The following GPT2 variants were observed in gnomAD, a reference collection of about 807,000 sequenced individuals.
The protein encoded by GPT2 is glutamic--pyruvic transaminase 2.
A neutral mutation model predicts 56.9 loss-of-function variants in GPT2; 30 were observed. That is an observed-to-expected ratio of 0.53 (90% CI 0.39 to 0.72). The LOEUF is 0.72. Ranked by LOEUF, GPT2 falls within the 30% of genes least tolerant of loss-of-function variation. The pLI, the probability that GPT2 is intolerant of heterozygous loss-of-function variation, is 0.00. For synonymous variants in GPT2, 271 were observed against 283.1 expected, an observed-to-expected ratio of 0.96 and a Z score of 0.43; for missense variants, 542 against 703.4, an observed-to-expected ratio of 0.77 and a Z score of 2.60.
intron 2 of GPT2, chr16:46,885,392 G>T (rs1214193175): frequency 1.3e-4 from 54 of 427,448 alleles, no homozygotes; most frequent in Non-Finnish European, 1.5e-4. Flanking sequence ...GGTAGGAGGG[G>T]AGACGGGGTG....
At chr16:46,914,869 G>C (rs1219113939) in intron 6 of GPT2, among the ~76,000 whole-genome samples, 4 of 152,098 alleles carry the variant, frequency 2.6e-5, no homozygotes, top group Admixed American at 6.5e-5. Flanking sequence ...GCAGTAATGG[G>C]GGGGAGGGCA....
intron 5 of GPT2, among the ~76,000 whole-genome samples, chr16:46,907,302 T>A (rs547513815): frequency 8.5e-5 from 13 of 152,246 alleles, no homozygotes; most frequent in Non-Finnish European, 1.6e-4. Flanking sequence ...GGGGAGACAA[T>A]GGGAAACCAA....
intron 4 of GPT2, among the ~76,000 whole-genome samples, chr16:46,901,320 C>T (rs1023075981): frequency 4.6e-5 from 7 of 152,186 alleles, no homozygotes; most frequent in Admixed American, 3.9e-4. Context: ...TCCCCTCAAG[C>T]CGGCCCTCAC....
chr16:46,898,975 C>CAT (rs60743914), intron 3 of GPT2, among the ~76,000 whole-genome samples: 20,016 of 131,738 alleles, frequency 0.15, 2,425 homozygotes, highest in African/African-American at 0.29. Flanking sequence ...TACACACACA[C>CAT]ATATATATAT....
At chr16:46,926,841 C>G (rs1961425106) in intron 10 of GPT2, 84 bp from the exon 11 acceptor site, 9 of 858,410 alleles carry the variant, frequency 1.0e-5, no homozygotes, top group Non-Finnish European at 1.4e-5. Context: ...GAGAGACCTG[C>G]CATTTAGATT....
chr16:46,899,409 T>C (rs1273157238), intron 3 of GPT2, among the ~76,000 whole-genome samples: 2 of 152,124 alleles, frequency 1.3e-5, no homozygotes, highest in Non-Finnish European at 2.9e-5. Flanking sequence ...CAGTTCCCTG[T>C]TCCCTGCCTT....
In GPT2 at chr16:46,929,818, C is replaced by G. The variant is rs1196540710; in HGVS notation, c.*821C>G. The G allele has an allele frequency of 6.6e-6, 1 of 152,366 alleles. No homozygotes were observed. Among genetic ancestry groups the G allele is most frequent in the African/African-American group, 2.4e-5 (1 of 41,462 alleles). The allele number at this position is 152,366 out of a possible 1,614,324, so 9.4% of individuals were successfully genotyped here. On this transcript the variant is annotated 3_prime_UTR_variant, in exon 12 of 12. Transcript: ENST00000340124. ...AGTGTCCCACTTCCGTGGAGAGAGC[C>G]GCTGGAATGGTGTGGACCCATCCCG... is the stretch of plus-strand genomic sequence containing the variant.
intron 5 of GPT2, 58 bp downstream of exon 5, chr16:46,907,033 G>T: frequency 6.2e-7 from 1 of 1,605,554 alleles, no homozygotes; most frequent in African/African-American, 1.3e-5. Context: ...GAGCAGCCTT[G>T]CCTGTTAGGG....
rs1356300392 is a variant in GPT2 at position 46,909,818 on chromosome 16, G to A, written c.711G>A (p.Glu237=). The A allele has an allele frequency of 1.2e-6, 2 of 1,614,084 alleles. No individual in the cohort carries two copies. Among genetic ancestry groups the A allele is most frequent in the African/African-American group, 2.7e-5 (2 of 74,932 alleles). Reference sequence around the variant, plus strand: ...TCCAGGTGAATTACTACCTGGACGAGGAGAACTGCTGGGCGCTGAATGTGA... The same window carrying A: ...TCCAGGTGAATTACTACCTGGACGAAGAGAACTGCTGGGCGCTGAATGTGA... ...DAIQVNYYLD[E]ENCWALNVNE... Residue 237 remains glutamate (E), a synonymous_variant, in exon 6 of 12, where the codon GAG becomes GAA. Transcript: ENST00000340124.
intron 10 of GPT2, 125 bp downstream of exon 10, chr16:46,924,669 TC>T: frequency 1.0e-6 from 1 of 957,406 alleles, no homozygotes; most frequent in Non-Finnish European, 1.6e-6. Context: ...TATGCACCTC[TC>T]GGCCAGAGGG....
intron 6 of GPT2, among the ~76,000 whole-genome samples, chr16:46,913,163 G>T (rs1309106932): frequency 6.6e-6 from 1 of 152,186 alleles, no homozygotes; most frequent in Non-Finnish European, 1.5e-5. Flanking sequence ...AGAGAACTAA[G>T]TTCTGCCCTT....
Position 46,929,051 on chromosome 16 carries a change from G to T in GPT2, c.*54G>T. Reference sequence around the variant, plus strand: ...TCCTTGGCTCTTCCTCCCAATGCCCGTCAGGCTGAACTCGCCTCCCCCGTG... The same window carrying T: ...TCCTTGGCTCTTCCTCCCAATGCCCTTCAGGCTGAACTCGCCTCCCCCGTG... On this transcript the variant is annotated 3_prime_UTR_variant, in exon 12 of 12. Coordinates refer to ENST00000340124, the MANE Select transcript of GPT2 (RefSeq NM_133443.4). 7.0e-7 allele frequency: 1 copy of T among 1,430,170 alleles called. No homozygotes were observed. The highest frequency in any genetic ancestry group is 1.7e-5 in the Admixed American group (1 of 59,302). 88.6% of individuals were successfully genotyped at this position (1,430,170 alleles called of 1,614,324 possible).
chr16:46,896,995 G>A (rs754078306), intron 2 of GPT2, among the ~76,000 whole-genome samples: 10 of 152,210 alleles, frequency 6.6e-5, no homozygotes, highest in Admixed American at 2.6e-4. Context: ...CCAGAAGGTC[G>A]GGGATGCAGT....
chr16:46,928,792 C>A, intron 11 of GPT2, 115 bp from the exon 12 acceptor site: 1 of 757,086 alleles, frequency 1.3e-6, no homozygotes, highest in South Asian at 1.5e-5. Flanking sequence ...CTGGAGCTGT[C>A]GAAGCAGACC....
intron 2 of GPT2, chr16:46,885,400 G>T (rs1160956244): frequency 2.9e-5 from 24 of 823,126 alleles, no homozygotes; most frequent in Non-Finnish European, 3.5e-5. Flanking sequence ...GGGAGACGGG[G>T]TGGGGGGGGC....
rs1159356279 is a variant in GPT2, at chr16:46,928,890, G to C, written c.1482-17G>C. The C allele has an allele frequency of 3.7e-6, 6 of 1,600,544 alleles. No homozygotes were observed. Among genetic ancestry groups the C allele is most frequent in the Non-Finnish European group, 5.1e-6 (6 of 1,167,834 alleles). On this transcript the variant is annotated splice_polypyrimidine_tract_variant and intron_variant, in intron 11 of 11. Transcript: ENST00000340124. The stretch of plus-strand genomic sequence containing the variant: ...CTTGCAGAGCAGCCAGGCTGACACT[G>C]TTGTCTCTCCTGCCAGGATGACTAT...
intron 4 of GPT2, among the ~76,000 whole-genome samples, chr16:46,903,630 G>A (rs953091779): frequency 2.6e-5 from 4 of 152,210 alleles, no homozygotes; most frequent in Middle Eastern, 3.4e-3. Flanking sequence ...TCTGTTTGAC[G>A]AGCAATTTGG....
At chr16:46,900,587 C>T in intron 3 of GPT2, 95 bp from the exon 4 acceptor site, 2 of 917,010 alleles carry the variant, frequency 2.2e-6, no homozygotes, top group African/African-American at 1.6e-5. Flanking sequence ...CAGCCCCATC[C>T]CTGGGAGCTG....
intron 4 of GPT2, among the ~76,000 whole-genome samples, chr16:46,901,293 CT>C (rs750373723): frequency 1.3e-5 from 2 of 152,192 alleles, no homozygotes; most frequent in African/African-American, 4.8e-5. Flanking sequence ...CCAGTACCCC[CT>C]GGTACTTCAT....
Sources: allele counts gnomAD v4.1 joint callset (sites outside exome capture counted in the v4.1 genomes callset), GRCh38; gene constraint gnomAD v4.1.1; transcripts MANE v1.5; gene names NCBI Gene and HGNC (gene_info 2026-07-23, HGNC 2026-07-21).